The following TIA1 variants were observed in gnomAD, a reference collection of about 807,000 sequenced individuals.
TIA1 encodes TIA1 cytotoxic granule associated RNA binding protein, also known as cytotoxic granule associated RNA binding protein TIA1.
Under a neutral mutation model 65.9 loss-of-function variants are expected in TIA1, and 23 were observed. The observed-to-expected ratio is 0.35, with a 90% CI of 0.25 to 0.49. The LOEUF (loss-of-function observed/expected upper bound fraction) is 0.49, where lower values mean the gene tolerates loss of function less well. Ranked by LOEUF, TIA1 falls within the 20% of genes least tolerant of loss-of-function variation. The pLI, the probability that TIA1 is intolerant of heterozygous loss-of-function variation, is 0.98. For synonymous variants in TIA1, 147 were observed against 149.4 expected (o/e 0.98, Z 0.12); for missense variants, 371 against 477.9 (o/e 0.78, Z 2.09).
chr2:70,232,540 C>CAA lies in TIA1; in HGVS notation c.124-1688_124-1687dup, dbSNP rs70956955. Among the ~76,000 whole-genome samples, 189 of 40,250 alleles carry CAA rather than the reference C, an allele frequency of 4.7e-3. 6 individuals carry two copies. Among genetic ancestry groups the CAA allele is most frequent in the East Asian group, 9.6e-3 (16 of 1,664 alleles). The allele number at this position is 40,250 out of a possible 152,430, so 26.4% of individuals were successfully genotyped here. A position where few individuals can be genotyped will look rare whatever the true frequency, so the allele number is the denominator to read the frequency against. On this transcript the variant is annotated intron_variant, in intron 2 of 12. Transcript: ENST00000433529. The stretch of plus-strand genomic sequence containing the variant: ...GGGCAACAAGAGTGAAACTCTGTCT[C>CAA]AAAAAAAAAAAAAAAAAAAAAAAAA...
intron 1 of TIA1, 146 bp from the exon 2 acceptor site, chr2:70,236,321 C>T: frequency 1.9e-6 from 1 of 527,300 alleles, no homozygotes; most frequent in South Asian, 2.2e-5. Flanking sequence ...GCCTCAGCCT[C>T]CCCGAGTAGC....
intron 7 of TIA1, among the ~76,000 whole-genome samples, chr2:70,223,871 C>CG (rs1300880847): frequency 2.0e-5 from 3 of 151,964 alleles, no homozygotes; most frequent in African/African-American, 7.3e-5. Flanking sequence ...CCACTGTGCC[C>CG]GGGTAATATT....
At chr2:70,248,317 G>A in intron 1 of TIA1, 88 bp downstream of exon 1, 1 of 1,459,102 alleles carries the variant, frequency 6.9e-7, no homozygotes, top group East Asian at 2.3e-5. Context: ...TGTCCACGGA[G>A]AACAATAGGC....
At chr2:70,228,694 AAAC>A (rs1240090284) in intron 5 of TIA1, 2 of 985,296 alleles carry the variant, frequency 2.0e-6, no homozygotes, top group African/African-American at 1.7e-5. Flanking sequence ...GACAGGCCTT[AAAC>A]AACATTTTGG....
intron 1 of TIA1, among the ~76,000 whole-genome samples, chr2:70,243,384 A>T (rs1323157226): frequency 6.6e-6 from 1 of 152,204 alleles, no homozygotes; most frequent in Non-Finnish European, 1.5e-5. Context: ...CTGTGATCAC[A>T]CCACTGCGCC....
intron 1 of TIA1, among the ~76,000 whole-genome samples, chr2:70,245,616 T>C (rs1467409221): frequency 1.3e-5 from 2 of 152,192 alleles, no homozygotes; most frequent in East Asian, 3.8e-4. Flanking sequence ...GTAGTATACA[T>C]CACCCATATG....
chr2:70,238,164 T>TAA (rs532331981), intron 1 of TIA1, among the ~76,000 whole-genome samples: 19 of 140,166 alleles, frequency 1.4e-4, no homozygotes, highest in Admixed American at 1.3e-3. Context: ...CCATCTCAAT[T>TAA]AAAAAAAAAA....
chr2:70,212,236 A>G lies in TIA1; in HGVS notation c.*483T>C, dbSNP rs2103808295. On this transcript the variant is annotated 3_prime_UTR_variant, in exon 13 of 13. Coordinates refer to ENST00000433529, the MANE Select transcript of TIA1 (RefSeq NM_022173.4). ...TAACAGTGGAGATGGGACAGCTCAA[A>G]CAATGCCTTTTTTTAACCTAAAACA... 1 of 153,812 alleles carries G rather than the reference A, an allele frequency of 6.5e-6. No homozygotes were observed. Among genetic ancestry groups the G allele is most frequent in the East Asian group, 1.9e-4 (1 of 5,236 alleles). The allele number at this position is 153,812 out of a possible 1,614,324, so 9.5% of individuals were successfully genotyped here.
intron 1 of TIA1, among the ~76,000 whole-genome samples, chr2:70,239,097 T>C (rs1690494862): frequency 1.3e-5 from 2 of 152,136 alleles, no homozygotes; most frequent in Non-Finnish European, 1.5e-5. Flanking sequence ...TTTTACTATT[T>C]ATTCATTTAT....
intron 2 of TIA1, among the ~76,000 whole-genome samples, chr2:70,231,725 C>T (rs1205721284): frequency 1.3e-5 from 2 of 152,124 alleles, no homozygotes; most frequent in East Asian, 1.9e-4. Flanking sequence ...ATGTACATTG[C>T]TCCTTGCTGC....
intron 7 of TIA1, 174 bp from the exon 8 acceptor site, chr2:70,217,168 A>C (rs1339701611): frequency 2.0e-6 from 1 of 495,790 alleles, no homozygotes; most frequent in Non-Finnish European, 3.2e-6. Context: ...TATATTTTTA[A>C]ATTTTATTTT....
chr2:70,225,045 C>A, intron 6 of TIA1: 1 of 979,242 alleles, frequency 1.0e-6, no homozygotes, highest in Non-Finnish European at 1.2e-6. Context: ...AAATAGAAAA[C>A]TGGAAACCAA....
chr2:70,225,760 G>C (rs916083835), intron 6 of TIA1, among the ~76,000 whole-genome samples: 1 of 152,160 alleles, frequency 6.6e-6, no homozygotes, highest in Non-Finnish European at 1.5e-5. Flanking sequence ...TAAATTATCT[G>C]TATGGTACGC....
In TIA1 at chr2:70,212,743, T is replaced by G; in HGVS notation, c.1137A>C (p.Arg379=). ...TTCACTGGGTTTCATACCCTGCCAC[T>G]CGATACCCAGAAGGCTGATTGGGCA... is the stretch of plus-strand genomic sequence containing the variant. ...SMLPNQPSGY[R]VAGYETQ Residue 379 remains arginine (R), a synonymous_variant, in exon 13 of 13, where the codon CGA becomes CGC. Transcript: ENST00000433529. 1.2e-6 allele frequency: 2 copies of G among 1,613,856 alleles called. No individual in the cohort carries two copies. Among genetic ancestry groups the G allele is most frequent in the Non-Finnish European group, 1.7e-6 (2 of 1,179,746 alleles).
Position 70,221,626 on chromosome 2 carries a change from T to C in TIA1, c.474+2928A>G, listed in dbSNP as rs377326376. Among the ~76,000 whole-genome samples, 3 of 152,060 alleles carry C rather than the reference T, an allele frequency of 2.0e-5. No individual in the cohort carries two copies. In the South Asian group the frequency reaches 6.2e-4, roughly 32 times the overall value. On this transcript the variant is annotated intron_variant, in intron 7 of 12. Coordinates refer to ENST00000433529, the MANE Select transcript of TIA1 (RefSeq NM_022173.4). The stretch of plus-strand genomic sequence containing the variant: ...GAAATCTACAGAGACAGAAAGTAGA[T>C]TGACAATTGTTCAGGGCTGGCAGGA...
intron 9 of TIA1, 48 bp downstream of exon 9, chr2:70,216,356 A>C: frequency 6.3e-7 from 1 of 1,585,452 alleles, no homozygotes; most frequent in Non-Finnish European, 8.6e-7. Context: ...TACAAATATT[A>C]AGCTTTGCAC....
At chr2:70,216,537 A>G (rs757743338) in intron 8 of TIA1, 38 bp from the exon 9 acceptor site, 1 of 1,572,762 alleles carries the variant, frequency 6.4e-7, no homozygotes, top group Non-Finnish European at 8.7e-7. Flanking sequence ...AATTCATTAA[A>G]TAAAATGTGC....
rs1424536298 is a variant in TIA1 at position 70,230,841 on chromosome 2, T to C, written c.137A>G (p.Asp46Gly). ...ATGAAACTCCACAAAACAATAGGGATCATTTCCAGCTGTCTGTGGGAGAAG... is the reference window on the plus strand; with the variant it reads ...ATGAAACTCCACAAAACAATAGGGACCATTTCCAGCTGTCTGTGGGAGAAG... ...CKMIMDTAGN[D>G]PYCFVEFHEH... Residue 46 changes from aspartate (D) to glycine (G), a missense_variant, in exon 3 of 13, where the codon GAT becomes GGT. Transcript: ENST00000433529. 1 of 1,611,274 alleles carries C rather than the reference T, an allele frequency of 6.2e-7. No homozygotes were observed. Among genetic ancestry groups the C allele is most frequent in the African/African-American group, 1.3e-5 (1 of 74,848 alleles).
chr2:70,216,838 A>G (rs915980177), intron 8 of TIA1, 48 bp downstream of exon 8: 1 of 1,613,206 alleles, frequency 6.2e-7, no homozygotes, highest in African/African-American at 1.3e-5. Context: ...AATCTAGCGT[A>G]TTTTTCTCCA....
Sources: allele counts gnomAD v4.1 joint callset (sites outside exome capture counted in the v4.1 genomes callset), GRCh38; gene constraint gnomAD v4.1.1; transcripts MANE v1.5; gene names NCBI Gene and HGNC (gene_info 2026-07-23, HGNC 2026-07-21).